BOD1L1: variants seen among roughly 807,000 people sequenced by gnomAD.
BOD1L1 encodes biorientation of chromosomes in cell division protein 1-like 1.
Under a neutral mutation model 240.7 loss-of-function variants are expected in BOD1L1, and 86 were observed. That is an observed-to-expected ratio of 0.36 (90% CI 0.30 to 0.43). BOD1L1 has a LOEUF of 0.43. Among genes scored for constraint, BOD1L1 ranks in the 20% least tolerant of loss-of-function variants. The pLI is 1.00. For missense variants in BOD1L1, 3,554 were observed against 3,643.5 expected (o/e 0.98, Z 0.63); for synonymous variants, 1,268 against 1,272.3 (o/e 1.00, Z 0.07).
intron 12 of BOD1L1, among the ~76,000 whole-genome samples, chr4:13,593,740 C>T (rs1336156092): frequency 6.6e-6 from 1 of 152,104 alleles, no homozygotes; most frequent in African/African-American, 2.4e-5. Context: ...TTCCCTAGTA[C>T]TCACAGGTAG....
intron 15 of BOD1L1, 91 bp from the exon 16 acceptor site, chr4:13,587,862 G>A (rs1713833093): frequency 4.5e-6 from 4 of 883,526 alleles, no homozygotes; most frequent in Non-Finnish European, 7.0e-6. Context: ...CTAACCTTTG[G>A]AATAAGTTGA....
At position 13,581,218 on chromosome 4, in the gene BOD1L1, A is replaced by C. The variant is rs1034706973; in HGVS notation, c.8593-11T>G. ...TATTGGCTGATCTTCCTAAGGGGGA[A>C]ATAAAAAACAACAACAGCAATAAGA... is the stretch of plus-strand genomic sequence containing the variant. On this transcript the variant is annotated splice_polypyrimidine_tract_variant and intron_variant, in intron 19 of 25. Coordinates refer to ENST00000040738, the MANE Select transcript of BOD1L1 (RefSeq NM_148894.3). 1 of 1,526,180 alleles carries C rather than the reference A, an allele frequency of 6.6e-7. No individual in the cohort carries two copies. Among genetic ancestry groups the C allele is most frequent in the Non-Finnish European group, 8.8e-7 (1 of 1,135,910 alleles). The allele number at this position is 1,526,180 out of a possible 1,614,324, so 94.5% of individuals were successfully genotyped here. A position where few individuals can be genotyped will look rare whatever the true frequency, so the allele number is the denominator to read the frequency against.
intron 17 of BOD1L1, 111 bp from the exon 18 acceptor site, chr4:13,582,847 T>G (rs764725276): frequency 1.5e-6 from 1 of 676,712 alleles, no homozygotes; most frequent in African/African-American, 1.8e-5. Flanking sequence ...CTAGCTCTTT[T>G]TAAGGATAGT....
At chr4:13,586,652 C>T (rs1713718395) in intron 16 of BOD1L1, among the ~76,000 whole-genome samples, 177 bp from the exon 17 acceptor site, 1 of 152,184 alleles carries the variant, frequency 6.6e-6, no homozygotes, top group East Asian at 1.9e-4. Flanking sequence ...TTGCCTTTCG[C>T]CCTGGCAAAG....
rs1352613684 is a variant in BOD1L1, at chr4:13,604,506, T to C, written c.2394A>G (p.Lys798=). ...TTCCATCTTTGCCTAATACTGATAA[T>C]TTCCTTTCATTCCTATGTTTACTTT... is the stretch of plus-strand genomic sequence containing the variant. ...ERKSKHRNER[K]LSVLGKDGKP... The change falls in exon 10 of 26, where the codon AAA becomes AAG. Residue 798 remains lysine, a synonymous_variant. Transcript: ENST00000040738. The C allele has an allele frequency of 1.0e-5, 16 of 1,529,912 alleles. No individual in the cohort carries two copies. The highest frequency in any genetic ancestry group is 1.4e-5 in the African/African-American group (1 of 71,726). 94.8% of individuals were successfully genotyped at this position (1,529,912 alleles called of 1,614,324 possible). A position where few individuals can be genotyped will look rare whatever the true frequency, so the allele number is the denominator to read the frequency against.
chr4:13,615,770 G>T (rs1716536465), intron 2 of BOD1L1, among the ~76,000 whole-genome samples: 2 of 152,196 alleles, frequency 1.3e-5, no homozygotes, highest in South Asian at 4.1e-4. Context: ...AACACCCTTA[G>T]AACTAGACAC....
intron 25 of BOD1L1, among the ~76,000 whole-genome samples, chr4:13,575,311 T>C (rs1712618873): frequency 6.6e-6 from 1 of 152,204 alleles, no homozygotes; most frequent in Non-Finnish European, 1.5e-5. Context: ...TTTTGATCAA[T>C]CTTGAATAAT....
intron 17 of BOD1L1, among the ~76,000 whole-genome samples, chr4:13,584,592 CAA>C (rs1483527498): frequency 2.0e-5 from 3 of 152,002 alleles, no homozygotes; most frequent in Non-Finnish European, 4.4e-5. Context: ...ATGTCCTGCA[CAA>C]AAGTCTTCAA....
At chr4:13,590,018 T>C (rs1013835014) in intron 14 of BOD1L1, among the ~76,000 whole-genome samples, 2 of 152,244 alleles carry the variant, frequency 1.3e-5, no homozygotes, top group Non-Finnish European at 2.9e-5. Context: ...ATCCTTGATA[T>C]GCTACCATCC....
chr4:13,601,647 C>T lies in BOD1L1; in HGVS notation c.5253G>A (p.Glu1751=), dbSNP rs201812688. The change falls in exon 10 of 26, where the codon GAG becomes GAA. Residue 1751 remains glutamate, a synonymous_variant. Transcript: ENST00000040738. The part of the protein sequence containing the change: ...ICSVTGAGPR[E]ERMVTGAGVV... ...CACCTGCACCTGTAACCATGCGTTC[C>T]TCCCGGGGCCCTGCTCCAGTTACTG... 2.5e-5 allele frequency: 40 copies of T among 1,613,990 alleles called. No individual in the cohort carries two copies. In the East Asian group the frequency reaches 8.9e-4, roughly 36 times the overall value.
At chr4:13,582,591 G>T in intron 18 of BOD1L1, 61 bp downstream of exon 18, 1 of 1,280,154 alleles carries the variant, frequency 7.8e-7, no homozygotes, top group Non-Finnish European at 1.1e-6. Flanking sequence ...CGTTTCGGTT[G>T]AGAGACACGC....
Position 13,602,578 on chromosome 4 carries a change from T to C in BOD1L1, c.4322A>G (p.Asp1441Gly), listed in dbSNP as rs748116848. Reference protein sequence around the residue: ...ENGKKDGIAVDHVVGLNTEKY... With the variant: ...ENGKKDGIAVGHVVGLNTEKY... ...TTCTGTATTCAGGCCTACAACATGATCAACAGCAATGCCATCCTTCTTGCC... is the reference window on the plus strand; with the variant it reads ...TTCTGTATTCAGGCCTACAACATGACCAACAGCAATGCCATCCTTCTTGCC... Residue 1441 changes from aspartate (D) to glycine (G), a missense_variant, in exon 10 of 26, where the codon GAT becomes GGT. Physicochemically the swap from Asp to Gly is moderately conservative, Grantham distance 94. Around this residue, in one of 2 missense-constraint regions of BOD1L1, gnomAD observed 3,393 missense variants for 3,427.1 expected, o/e 0.99. Coordinates refer to ENST00000040738, the MANE Select transcript of BOD1L1 (RefSeq NM_148894.3). The C allele has an allele frequency of 3.7e-6, 6 of 1,614,040 alleles. No individual in the cohort carries two copies. The highest frequency in any genetic ancestry group is 5.1e-6 in the Non-Finnish European group (6 of 1,179,892).
chr4:13,585,542 G>A (rs769437099), intron 17 of BOD1L1, among the ~76,000 whole-genome samples: 3 of 152,084 alleles, frequency 2.0e-5, no homozygotes, highest in Non-Finnish European at 2.9e-5. Flanking sequence ...ATACAAATTT[G>A]TGAGGAGGTT....
At position 13,573,484 on chromosome 4, in the gene BOD1L1, C is replaced by CTT. The variant is rs556795041; in HGVS notation, c.9038+3352_9038+3353dup. The stretch of plus-strand genomic sequence containing the variant: ...TCTATCTATCTATCTTTCTTTCTTT[C>CTT]TTTCTTTCTTTTGAGAAAGAGCCTC... On this transcript the variant is annotated intron_variant, in intron 25 of 25. Coordinates refer to ENST00000040738, the MANE Select transcript of BOD1L1 (RefSeq NM_148894.3). Among the ~76,000 whole-genome samples, 29 of 147,254 alleles carry CTT rather than the reference C, an allele frequency of 2.0e-4. No individual in the cohort carries two copies. In the South Asian group the frequency reaches 6.2e-3, roughly 32 times the overall value.
intron 17 of BOD1L1, among the ~76,000 whole-genome samples, chr4:13,584,564 TCA>T (rs1171503257): frequency 6.6e-6 from 1 of 151,950 alleles, no homozygotes; most frequent in East Asian, 1.9e-4. Flanking sequence ...TTTATCTGTT[TCA>T]TATAGTGGGC....
rs1715031830 is a variant in BOD1L1, at chr4:13,600,412, T to C, written c.6488A>G (p.Lys2163Arg). The C allele has an allele frequency of 2.5e-6, 4 of 1,613,992 alleles. No individual in the cohort carries two copies. The highest frequency in any genetic ancestry group is 2.5e-6 in the Non-Finnish European group (3 of 1,179,898). The part of the protein sequence containing the change: ...ELPISSATTI[K>R]CAESLQPVAA... ...AACCGGCTGAAGACTTTCAGCACACTTGATGGTTGTTGCACTGGAGATAGG... is the reference window on the plus strand; with the variant it reads ...AACCGGCTGAAGACTTTCAGCACACCTGATGGTTGTTGCACTGGAGATAGG... The change falls in exon 10 of 26, where the codon AAG becomes AGG. Residue 2163 changes from lysine to arginine, a missense_variant. By Grantham distance (26) the Lys-to-Arg change is conservative. Coordinates refer to ENST00000040738, the MANE Select transcript of BOD1L1 (RefSeq NM_148894.3).
In BOD1L1 at chr4:13,604,884, G is replaced by A. The variant is rs1216185688; in HGVS notation, c.2016C>T (p.Asp672=). 1.2e-6 allele frequency: 2 copies of A among 1,612,838 alleles called. No homozygotes were observed. Among genetic ancestry groups the A allele is most frequent in the East Asian group, 2.2e-5 (1 of 44,856 alleles). The change falls in exon 10 of 26, where the codon GAC becomes GAT. Residue 672 remains aspartate, a synonymous_variant. Coordinates refer to ENST00000040738, the MANE Select transcript of BOD1L1 (RefSeq NM_148894.3). ...CTACTTGCCTTTTTACATCTCTTGT[G>A]TCAGTCTCTTCCTGTACCCCCTCCA... ...VIMEGVQEET[D]TRDVKRQVER... is the part of the protein sequence containing the mutation.
Position 13,599,293 on chromosome 4 carries a change from G to A in BOD1L1, c.7607C>T (p.Ala2536Val), listed in dbSNP as rs748533012. 6.2e-7 allele frequency: 1 copy of A among 1,613,846 alleles called. No individual in the cohort carries two copies. Among genetic ancestry groups the A allele is most frequent in the Non-Finnish European group, 8.5e-7 (1 of 1,179,810 alleles). Reference sequence around the variant, plus strand: ...CCCTTGAACAGGTGGCATGTCATCAGCTTTTATAGCACCGGTGTTTACTGC... The same window carrying A: ...CCCTTGAACAGGTGGCATGTCATCAACTTTTATAGCACCGGTGTTTACTGC... Reference protein sequence around the residue: ...LAAVNTGAIKADDMPPVQGTV... With the variant: ...LAAVNTGAIKVDDMPPVQGTV... The change falls in exon 10 of 26, where the codon GCT becomes GTT. Residue 2536 changes from alanine to valine, a missense_variant. Around this residue, in one of 2 missense-constraint regions of BOD1L1, gnomAD observed 3,393 missense variants for 3,427.1 expected, o/e 0.99. Transcript: ENST00000040738.
intron 1 of BOD1L1, chr4:13,626,127 C>T (rs1034852940): frequency 4.6e-5 from 7 of 152,240 alleles, no homozygotes; most frequent in African/African-American, 7.2e-5. Flanking sequence ...TCGAGACCAT[C>T]CTGGCCAACA....
Sources: allele counts gnomAD v4.1 joint callset (sites outside exome capture counted in the v4.1 genomes callset), GRCh38; gene constraint gnomAD v4.1.1; regional missense constraint gnomAD v4.1.1; transcripts MANE v1.5; gene names NCBI Gene and HGNC (gene_info 2026-07-23, HGNC 2026-07-21).